Variants in SCAI observed in about 807,000 individuals in gnomAD.
SCAI encodes suppressor of cancer cell invasion.
SCAI carries 24 observed loss-of-function variants against 92.2 expected under a neutral mutation model. The ratio of observed to expected loss-of-function variants is 0.26; its 90% CI spans 0.19 to 0.37. The LOEUF is 0.37. Among genes scored for constraint, SCAI ranks in the 10% least tolerant of loss-of-function variants. The probability of loss-of-function intolerance (pLI) is 1.00; values close to 1 mark genes in which losing one functional copy is unlikely to be tolerated. For missense variants in SCAI, 450 were observed against 736.2 expected (o/e 0.61, Z 4.50); for synonymous variants, 261 against 258.6 (o/e 1.01, Z -0.09).
intron 3 of SCAI, among the ~76,000 whole-genome samples, chr9:125,052,768 C>T (rs1833583989): frequency 6.6e-6 from 1 of 151,650 alleles, no homozygotes; most frequent in African/African-American, 2.4e-5. Context: ...AATTTTTTAA[C>T]TGGTCAAAGA....
At chr9:125,077,861 G>A (rs1233310863) in intron 2 of SCAI, among the ~76,000 whole-genome samples, 1 of 152,056 alleles carries the variant, frequency 6.6e-6, no homozygotes, top group Non-Finnish European at 1.5e-5. Flanking sequence ...TGGGATTATA[G>A]GCACCTGCCA....
chr9:125,084,998 A>C (rs1215312369), intron 2 of SCAI, among the ~76,000 whole-genome samples: 3 of 152,176 alleles, frequency 2.0e-5, no homozygotes, highest in Non-Finnish European at 2.9e-5. Context: ...CAGTTTCTTC[A>C]TTTGTATGGA....
rs183305900 is a variant in SCAI at position 125,093,859 on chromosome 9, C to T, written c.99-37852G>A. ...GATTACAGGCGTGAGCCACCGTGCC[C>T]GGCCGACACCTACGTTTTTTTAATC... On this transcript the variant is annotated intron_variant, in intron 2 of 17. Coordinates refer to ENST00000336505, the MANE Select transcript of SCAI (RefSeq NM_001144877.3). Among the ~76,000 whole-genome samples the T allele has an allele frequency of 2.0e-5, 3 of 151,950 alleles. No individual in the cohort carries two copies. The East Asian group carries it at 5.8e-4, about 30-fold the overall frequency.
chr9:125,035,325 A>T (rs543598830), intron 3 of SCAI, among the ~76,000 whole-genome samples: 12 of 152,304 alleles, frequency 7.9e-5, no homozygotes, highest in Admixed American at 7.2e-4. Flanking sequence ...ACTGCGCTCC[A>T]GCCTGGGCAA....
At chr9:124,972,809 T>C (rs1431565096) in intron 15 of SCAI, among the ~76,000 whole-genome samples, 4 of 152,242 alleles carry the variant, frequency 2.6e-5, no homozygotes, top group Admixed American at 6.5e-5. Flanking sequence ...CTGTTGGTTC[T>C]ATGGTTCTAT....
chr9:124,943,732 A>G lies in SCAI; in HGVS notation c.*9075T>C, dbSNP rs1331004940. On this transcript the variant is annotated 3_prime_UTR_variant, in exon 18 of 18. Transcript: ENST00000336505. ...CATTATTTTCAAGGGAAAAAGATCA[A>G]ACATAACTTATTTTAACTCCTATTT... 1 of 152,224 alleles carries G rather than the reference A, an allele frequency of 6.6e-6. No individual in the cohort carries two copies. The highest frequency in any genetic ancestry group is 1.5e-5 in the Non-Finnish European group (1 of 68,022). 9.4% of individuals were successfully genotyped at this position (152,224 alleles called of 1,614,324 possible).
rs1167408072 is a variant in SCAI at position 124,949,654 on chromosome 9, C to T, written c.*3153G>A. On this transcript the variant is annotated 3_prime_UTR_variant, in exon 18 of 18. Transcript: ENST00000336505. This position sits in a 1 kb window ranked among gnomAD's most constrained non-coding sequence, Gnocchi z 4.0. The stretch of plus-strand genomic sequence containing the variant: ...CTTGATCACTCTTTTAAACATTGTT[C>T]TTCTCTTAAGAAAACAAACAAAAGA... 1 of 152,110 alleles carries T rather than the reference C, an allele frequency of 6.6e-6. No individual in the cohort carries two copies. Among genetic ancestry groups the T allele is most frequent in the Non-Finnish European group, 1.5e-5 (1 of 68,032 alleles). 9.4% of individuals were successfully genotyped at this position (152,110 alleles called of 1,614,324 possible).
intron 3 of SCAI, among the ~76,000 whole-genome samples, chr9:125,050,469 C>A (rs1347410390): frequency 6.6e-6 from 1 of 152,142 alleles, no homozygotes; most frequent in East Asian, 1.9e-4. Context: ...TGCCAATACA[C>A]ACCTCCAACC....
intron 2 of SCAI, among the ~76,000 whole-genome samples, chr9:125,133,917 G>A (rs1168772650): frequency 3.9e-5 from 6 of 152,084 alleles, no homozygotes; most frequent in African/African-American, 1.4e-4. Context: ...AGTATATCTG[G>A]CCTCTACTCA....
rs1342084772 is a variant in SCAI at position 124,950,499 on chromosome 9, G to C, written c.*2308C>G. On this transcript the variant is annotated 3_prime_UTR_variant, in exon 18 of 18. Transcript: ENST00000336505. ...TAAACATTAGAGGACAGGAAACTCT[G>C]TGTTGGTAGGAGCATAACTGGCACA... is the stretch of plus-strand genomic sequence containing the variant. 6.6e-6 allele frequency: 1 copy of C among 152,196 alleles called. No individual in the cohort carries two copies. The highest frequency in any genetic ancestry group is 1.5e-5 in the Non-Finnish European group (1 of 68,050). The allele number at this position is 152,196 out of a possible 1,614,324, so 9.4% of individuals were successfully genotyped here.
intron 3 of SCAI, among the ~76,000 whole-genome samples, chr9:125,031,288 T>C (rs963966783): frequency 6.7e-6 from 1 of 150,144 alleles, no homozygotes; most frequent in Non-Finnish European, 1.5e-5. Context: ...TGAGATGGAG[T>C]CGCGCTCTTG....
chr9:125,018,907 G>A lies in SCAI; in HGVS notation c.753C>T (p.Ile251=), dbSNP rs752571595. ...MVLNDDNTIV[I]TSNRLAETGA... ...CTGTTTCAGCAAGGCGATTCGATGT[G>A]ATAACAATGGTATTATCATCATTTA... The change falls in exon 9 of 18, where the codon ATC becomes ATT. Residue 251 remains isoleucine (I), a synonymous_variant. Transcript: ENST00000336505. The A allele has an allele frequency of 6.2e-7, 1 of 1,613,848 alleles. No individual in the cohort carries two copies.
chr9:124,961,309 T>C (rs970386817), intron 17 of SCAI, among the ~76,000 whole-genome samples: 1 of 150,856 alleles, frequency 6.6e-6, no homozygotes, highest in African/African-American at 2.4e-5. Context: ...ATATGCATGA[T>C]GAAGTGTTTG....
intron 2 of SCAI, among the ~76,000 whole-genome samples, chr9:125,109,062 A>G (rs1834878283): frequency 1.3e-5 from 2 of 152,342 alleles, no homozygotes; most frequent in South Asian, 4.1e-4. Context: ...CCTTACCCCC[A>G]ACCCGCTGCT....
In SCAI at chr9:125,092,131, TAAAAAAAAAAAAAAA is replaced by T. The variant is rs71374225; in HGVS notation, c.99-36139_99-36125del. Among the ~76,000 whole-genome samples, 597 of 61,134 alleles carry T rather than the reference TAAAAAAAAAAAAAAA, an allele frequency of 9.8e-3. 28 individuals carry two copies. The highest frequency in any genetic ancestry group is 0.032 in the African/African-American group (526 of 16,442). The allele number at this position is 61,134 out of a possible 152,430, so 40.1% of individuals were successfully genotyped here. On this transcript the variant is annotated intron_variant, in intron 2 of 17. Coordinates refer to ENST00000336505, the MANE Select transcript of SCAI (RefSeq NM_001144877.3). ...GGCGACAGAGCAAGACTCCGTCTCT[TAAAAAAAAAAAAAAA>T]AAAAAAAAAAAAAAAAAAAAAATCA... is the stretch of plus-strand genomic sequence containing the variant.
rs553354467 is a variant in SCAI, at chr9:125,116,917, T to C, written c.98+25716A>G. Among the ~76,000 whole-genome samples, 8 of 152,312 alleles carry C rather than the reference T, an allele frequency of 5.3e-5. No individual in the cohort carries two copies. The East Asian group carries it at 9.6e-4, about 18-fold the overall frequency. ...GAACTCTCATTTACCCTTTCACTTATCATATTTATTCTTTACCTGGTGTCA... is the reference window on the plus strand; with the variant it reads ...GAACTCTCATTTACCCTTTCACTTACCATATTTATTCTTTACCTGGTGTCA... On this transcript the variant is annotated intron_variant, in intron 2 of 17. Transcript: ENST00000336505.
At position 124,944,034 on chromosome 9, in the gene SCAI, T is replaced by C. The variant is rs1831101095; in HGVS notation, c.*8773A>G. 6.6e-6 allele frequency: 1 copy of C among 152,246 alleles called. No individual in the cohort carries two copies. Among genetic ancestry groups the C allele is most frequent in the African/African-American group, 2.4e-5 (1 of 41,466 alleles). 9.4% of individuals were successfully genotyped at this position (152,246 alleles called of 1,614,324 possible). ...GACTTTGTATTTGCCTTTCCTATTA[T>C]CTAAGATGTTTCTACCTCAACTGGA... is the stretch of plus-strand genomic sequence containing the variant. On this transcript the variant is annotated 3_prime_UTR_variant, in exon 18 of 18. Coordinates refer to ENST00000336505, the MANE Select transcript of SCAI (RefSeq NM_001144877.3).
At chr9:124,970,562 T>C (rs983247821) in intron 17 of SCAI, among the ~76,000 whole-genome samples, 1 of 151,614 alleles carries the variant, frequency 6.6e-6, no homozygotes, top group Non-Finnish European at 1.5e-5. Context: ...CTACTAAAAA[T>C]ACAAAAAATT....
At chr9:124,996,002 G>A (rs1832230214) in intron 13 of SCAI, among the ~76,000 whole-genome samples, 1 of 152,058 alleles carries the variant, frequency 6.6e-6, no homozygotes, top group African/African-American at 2.4e-5. Context: ...TAATGTAAAT[G>A]TAAATTTATG....
Sources: gnomAD v4.1 joint callset for allele counts (sites outside exome capture counted in the v4.1 genomes callset) on GRCh38, gnomAD v4.1.1 for gene constraint, Gnocchi (gnomAD v3.1) non-coding constraint, MANE v1.5 for transcripts, NCBI Gene and HGNC (gene_info 2026-07-23, HGNC 2026-07-21) for gene names.